TMTC2: variants seen among roughly 807,000 people sequenced by gnomAD.
The protein encoded by TMTC2 is protein O-mannosyl-transferase TMTC2.
A neutral mutation model predicts 82.4 loss-of-function variants in TMTC2; 43 were observed. The observed-to-expected ratio is 0.52, with a 90% CI of 0.41 to 0.67. The LOEUF (loss-of-function observed/expected upper bound fraction) is 0.67, where lower values mean the gene tolerates loss of function less well. Among genes scored for constraint, TMTC2 ranks in the 30% least tolerant of loss-of-function variants. TMTC2 has a pLI of 0.00. For missense variants in TMTC2, 919 were observed against 1,012.4 expected (o/e 0.91, Z 1.25); for synonymous variants, 408 against 381.9 (o/e 1.07, Z -0.80).
At chr12:82,842,557 A>G (rs1870398842) in intron 1 of TMTC2, among the ~76,000 whole-genome samples, 2 of 152,212 alleles carry the variant, frequency 1.3e-5, no homozygotes, top group African/African-American at 2.4e-5. Context: ...AGTATATAGC[A>G]TATGTAATAA....
intron 1 of TMTC2, among the ~76,000 whole-genome samples, chr12:82,766,347 C>T (rs1165908015): frequency 1.3e-5 from 2 of 152,130 alleles, no homozygotes. Flanking sequence ...GTTACTGTGT[C>T]TCTCCCAGGT....
At chr12:83,003,013 G>A (rs1170259115) in intron 8 of TMTC2, among the ~76,000 whole-genome samples, 1 of 151,892 alleles carries the variant, frequency 6.6e-6, no homozygotes, top group Non-Finnish European at 1.5e-5. Flanking sequence ...CTGTCAGTGG[G>A]GAGTTAAAGC....
intron 1 of TMTC2, among the ~76,000 whole-genome samples, chr12:82,824,153 CA>C (rs1869274031): frequency 6.6e-6 from 1 of 152,212 alleles, no homozygotes; most frequent in African/African-American, 2.4e-5. Flanking sequence ...CTCGGCCTCC[CA>C]AAGTGCTGGG....
chr12:82,735,349 A>T (rs950078543), intron 1 of TMTC2, among the ~76,000 whole-genome samples: 8 of 143,866 alleles, frequency 5.6e-5, no homozygotes, highest in Non-Finnish European at 9.1e-5. Context: ...ATTAATTTTG[A>T]TTTTTTTTTT....
intron 1 of TMTC2, among the ~76,000 whole-genome samples, chr12:82,818,877 G>A (rs1565763983): frequency 6.6e-6 from 1 of 152,150 alleles, no homozygotes; most frequent in East Asian, 1.9e-4. Flanking sequence ...CAGATGGGCA[G>A]TGATAGACTT....
chr12:82,905,148 C>T (rs1350487123), intron 3 of TMTC2, among the ~76,000 whole-genome samples: 2 of 152,016 alleles, frequency 1.3e-5, no homozygotes, highest in African/African-American at 2.4e-5. Context: ...GGTGATCTGC[C>T]GGGATCTCAA....
intron 1 of TMTC2, among the ~76,000 whole-genome samples, chr12:82,808,445 A>G (rs917730237): frequency 6.6e-6 from 1 of 152,112 alleles, no homozygotes; most frequent in Non-Finnish European, 1.5e-5. Flanking sequence ...TCTTTTATGT[A>G]TATCATCTTA....
chr12:83,051,090 C>A, intron 10 of TMTC2, 72 bp downstream of exon 10: 2 of 1,042,232 alleles, frequency 1.9e-6, no homozygotes, highest in Non-Finnish European at 2.8e-6. Context: ...ATTTTCCCAT[C>A]ATACACCTTA....
Position 82,846,493 on chromosome 12 carries a change from C to T in TMTC2, c.84-10517C>T, listed in dbSNP as rs1870690439. Among the ~76,000 whole-genome samples, 6 of 152,226 alleles carry T rather than the reference C, an allele frequency of 3.9e-5. No individual in the cohort carries two copies. In the South Asian group the frequency reaches 1.2e-3, roughly 32 times the overall value. On this transcript the variant is annotated intron_variant, in intron 1 of 11. Transcript: ENST00000321196. ...ACATCTTGGGGGCTGAGTTTAGCTG[C>T]AGCTGGGGCCATTTTTAATCACAAG...
At chr12:82,855,127 A>G (rs2137112572) in intron 1 of TMTC2, among the ~76,000 whole-genome samples, 1 of 152,352 alleles carries the variant, frequency 6.6e-6, no homozygotes, top group Non-Finnish European at 1.5e-5. Flanking sequence ...ACAGAAACTG[A>G]AGCTCAGAAA....
chr12:82,800,315 A>G (rs76637417), intron 1 of TMTC2, among the ~76,000 whole-genome samples: 2 of 152,114 alleles, frequency 1.3e-5, no homozygotes, highest in Non-Finnish European at 2.9e-5. Context: ...AAACAGGCCT[A>G]TTCCAGGCCT....
chr12:82,859,891 G>A (rs920582172), intron 2 of TMTC2, among the ~76,000 whole-genome samples: 3 of 152,144 alleles, frequency 2.0e-5, no homozygotes, highest in African/African-American at 7.2e-5. Flanking sequence ...CTATTCTATC[G>A]TAGCTCTTTC....
chr12:82,974,268 A>T (rs1878572644), intron 7 of TMTC2, among the ~76,000 whole-genome samples: 1 of 152,232 alleles, frequency 6.6e-6, no homozygotes, highest in Admixed American at 6.5e-5. Flanking sequence ...AAATGAAAAA[A>T]AAGTATGTAT....
rs1408535310 is a variant in TMTC2 at position 82,896,448 on chromosome 12, A to G, written c.1285A>G (p.Met429Val). The change falls in exon 3 of 12, where the codon ATG becomes GTG. Residue 429 changes from methionine (M) to valine (V), a missense_variant. By Grantham distance (21) the Met-to-Val change is conservative. Transcript: ENST00000321196. ...IAERVLYIPS[M>V]GFCLLITVGA... ...AGAGCGAGTATTATATATTCCTAGT[A>G]TGGGCTTCTGCCTACTGATTACAGT... The G allele has an allele frequency of 6.2e-7, 1 of 1,614,140 alleles. No individual in the cohort carries two copies. Among genetic ancestry groups the G allele is most frequent in the South Asian group, 1.1e-5 (1 of 91,082 alleles).
chr12:82,920,653 ATTTCTT>A (rs1255913368), intron 3 of TMTC2, among the ~76,000 whole-genome samples: 1 of 152,144 alleles, frequency 6.6e-6, no homozygotes, highest in East Asian at 1.9e-4. Context: ...TAGCAGAAGA[ATTTCTT>A]TTTATTTTTG....
intron 1 of TMTC2, among the ~76,000 whole-genome samples, chr12:82,734,093 T>C (rs994028585): frequency 6.6e-6 from 1 of 152,248 alleles, no homozygotes; most frequent in African/African-American, 2.4e-5. Flanking sequence ...CATCAGGGTA[T>C]GTGAGTAAAT....
intron 1 of TMTC2, among the ~76,000 whole-genome samples, chr12:82,784,392 G>C (rs193234170): frequency 2.0e-5 from 3 of 152,010 alleles, no homozygotes; most frequent in African/African-American, 7.2e-5. Context: ...AATTGACATG[G>C]TATATTATGG....
chr12:82,724,124 G>A (rs944927294), intron 1 of TMTC2, among the ~76,000 whole-genome samples: 5 of 152,180 alleles, frequency 3.3e-5, no homozygotes, highest in Admixed American at 1.3e-4. Flanking sequence ...CACAGCTCAC[G>A]TTTGAGCATA....
At chr12:83,124,924 C>A (rs1349976656) in intron 11 of TMTC2, among the ~76,000 whole-genome samples, 1 of 151,956 alleles carries the variant, frequency 6.6e-6, no homozygotes, top group Non-Finnish European at 1.5e-5. Flanking sequence ...GGATGAGATG[C>A]TAAATTTACA....
Sources: allele counts gnomAD v4.1 joint callset (sites outside exome capture counted in the v4.1 genomes callset), GRCh38; gene constraint gnomAD v4.1.1; transcripts MANE v1.5; gene names NCBI Gene and HGNC (gene_info 2026-07-23, HGNC 2026-07-21).